Variants in RPS6KC1 observed in about 807,000 individuals in gnomAD.
RPS6KC1 encodes the protein inactive ribosomal protein S6 kinase delta-1.
A neutral mutation model predicts 103.8 loss-of-function variants in RPS6KC1; 54 were observed. The ratio of observed to expected loss-of-function variants is 0.52; its 90% CI spans 0.42 to 0.65. The LOEUF is 0.65. Among genes scored for constraint, RPS6KC1 ranks in the 30% least tolerant of loss-of-function variants. The pLI is 0.00. For synonymous variants in RPS6KC1, 439 were observed against 438.7 expected (o/e 1.00, Z -0.01); for missense variants, 1,151 against 1,253.8 (o/e 0.92, Z 1.24).
intron 8 of RPS6KC1, among the ~76,000 whole-genome samples, chr1:213,193,642 T>G (rs2092831686): frequency 6.6e-6 from 1 of 152,030 alleles, no homozygotes; most frequent in African/African-American, 2.4e-5. Flanking sequence ...TTAGTTTTTA[T>G]TTTTATTTTT....
chr1:213,131,133 G>A (rs539117059), intron 6 of RPS6KC1, among the ~76,000 whole-genome samples: 2 of 152,094 alleles, frequency 1.3e-5, no homozygotes, highest in African/African-American at 2.4e-5. Flanking sequence ...CTTAATTTCG[G>A]TGGGCCTGAG....
the RPS6KC1 span, among the ~76,000 whole-genome samples, chr1:213,671,986 T>A: frequency 1.3e-5 from 2 of 149,900 alleles, no homozygotes; most frequent in East Asian, 3.9e-4. Context: ...CTAGCAAGAG[T>A]GATGGTCCTT....
chr1:213,472,703 G>A, the RPS6KC1 span, among the ~76,000 whole-genome samples: 1 of 152,158 alleles, frequency 6.6e-6, no homozygotes, highest in Non-Finnish European at 1.5e-5. Context: ...TGGGCCCCAG[G>A]AGATGAGTAT....
chr1:213,850,626 G>T, the RPS6KC1 span, among the ~76,000 whole-genome samples: 3 of 152,168 alleles, frequency 2.0e-5, no homozygotes, highest in Admixed American at 6.5e-5. Context: ...TTGCTTACTA[G>T]CATTACACTT....
At chr1:213,368,930 C>G in the RPS6KC1 span, among the ~76,000 whole-genome samples, 1 of 152,198 alleles carries the variant, frequency 6.6e-6, no homozygotes, top group African/African-American at 2.4e-5. Context: ...AAATCAACAC[C>G]TTAGCAGGAA....
chr1:213,428,438 C>CT, the RPS6KC1 span, among the ~76,000 whole-genome samples: 11 of 98,210 alleles, frequency 1.1e-4, no homozygotes, highest in East Asian at 1.7e-3. Flanking sequence ...CCCTCCCTCC[C>CT]TCCATCCCTC....
chr1:213,160,379 A>G (rs766910787), intron 6 of RPS6KC1, among the ~76,000 whole-genome samples: 2 of 152,190 alleles, frequency 1.3e-5, no homozygotes, highest in Non-Finnish European at 2.9e-5. Flanking sequence ...TGTTATTACA[A>G]TTTTTCATAA....
At chr1:213,078,324 C>A (rs1327991310) in intron 3 of RPS6KC1, among the ~76,000 whole-genome samples, 1 of 147,068 alleles carries the variant, frequency 6.8e-6, no homozygotes, top group Non-Finnish European at 1.5e-5. Context: ...GGTGTAGTTT[C>A]TGTCCCCTGT....
the RPS6KC1 span, among the ~76,000 whole-genome samples, chr1:213,801,919 C>A: frequency 7.2e-5 from 11 of 152,070 alleles, no homozygotes; most frequent in Admixed American, 7.2e-4. Flanking sequence ...ACTGTCTTAC[C>A]AAAAAGAAGG....
the RPS6KC1 span, among the ~76,000 whole-genome samples, chr1:213,756,468 A>G: frequency 6.6e-6 from 1 of 152,178 alleles, no homozygotes; most frequent in Non-Finnish European, 1.5e-5. Context: ...TATTCAGGTT[A>G]TTTAAAATAT....
chr1:213,632,892 G>A, the RPS6KC1 span, among the ~76,000 whole-genome samples: 1 of 152,110 alleles, frequency 6.6e-6, no homozygotes, highest in African/African-American at 2.4e-5. Flanking sequence ...TGAGAACTAC[G>A]TGACGCATGC....
chr1:213,198,500 C>T (rs2093036494), intron 8 of RPS6KC1, among the ~76,000 whole-genome samples: 1 of 152,172 alleles, frequency 6.6e-6, no homozygotes, highest in Non-Finnish European at 1.5e-5. Context: ...GTCTAGATCT[C>T]TGGCAAGCCT....
the RPS6KC1 span, among the ~76,000 whole-genome samples, chr1:213,463,194 A>T: frequency 6.6e-6 from 1 of 152,162 alleles, no homozygotes; most frequent in South Asian, 2.1e-4. Context: ...TTTTCCTGCT[A>T]GAGAGAGTCA....
chr1:213,364,105 A>G, the RPS6KC1 span, among the ~76,000 whole-genome samples: 1 of 152,050 alleles, frequency 6.6e-6, no homozygotes, highest in Non-Finnish European at 1.5e-5. Flanking sequence ...TGTTATGCCT[A>G]CTCAACTCTG....
the RPS6KC1 span, among the ~76,000 whole-genome samples, chr1:213,837,529 C>A: frequency 6.6e-6 from 1 of 152,258 alleles, no homozygotes; most frequent in Middle Eastern, 3.4e-3. Context: ...ATAACTGTAC[C>A]CAAAGACAGG....
intron 12 of RPS6KC1, among the ~76,000 whole-genome samples, chr1:213,244,043 T>A (rs2094411047): frequency 2.0e-5 from 3 of 152,306 alleles, no homozygotes; most frequent in East Asian, 3.9e-4. Context: ...TTCCTTCAAA[T>A]TAAGACTGTT....
chr1:213,134,885 CCTT>C lies in RPS6KC1; in HGVS notation c.835+5001_835+5003del, dbSNP rs370025524. Among the ~76,000 whole-genome samples, 849 of 152,176 alleles carry C rather than the reference CCTT, an allele frequency of 5.6e-3. 12 individuals carry two copies. The highest frequency in any genetic ancestry group is 8.8e-3 in the Non-Finnish European group (595 of 67,946). ...TAATTCTGAGAATAGAGGTAGTTTT[CCTT>C]CTTCCTTTTCAATTTGGATGGCTTT... On this transcript the variant is annotated intron_variant, in intron 6 of 14. Transcript: ENST00000366960.
chr1:213,343,663 T>C, the RPS6KC1 span, among the ~76,000 whole-genome samples: 4 of 148,830 alleles, frequency 2.7e-5, no homozygotes, highest in Non-Finnish European at 6.0e-5. Context: ...GGGAGGGGGG[T>C]GAGGGATAAA....
chr1:213,260,774 A>T (rs1200276915), intron 12 of RPS6KC1, among the ~76,000 whole-genome samples: 2 of 134,236 alleles, frequency 1.5e-5, no homozygotes, highest in Non-Finnish European at 3.2e-5. Context: ...AAAAAAAAAA[A>T]GGTGAAATGA....
Sources: allele counts gnomAD v4.1 joint callset (sites outside exome capture counted in the v4.1 genomes callset), GRCh38; gene constraint gnomAD v4.1.1; transcripts MANE v1.5; gene names NCBI Gene and HGNC (gene_info 2026-07-23, HGNC 2026-07-21).